IL13RA2: variants seen among roughly 807,000 people sequenced by gnomAD.
IL13RA2 encodes interleukin-13 receptor subunit alpha-2.
Under a neutral mutation model 34.1 loss-of-function variants are expected in IL13RA2, and 25 were observed. The observed-to-expected ratio is 0.73, with a 90% CI of 0.53 to 1.03. The LOEUF (loss-of-function observed/expected upper bound fraction) is 1.03, where lower values mean the gene tolerates loss of function less well. IL13RA2 is among the 50% of genes least tolerant of loss of function. IL13RA2 has a pLI of 0.00. For synonymous variants in IL13RA2, 106 were observed against 100.4 expected (o/e 1.06, Z -0.33); for missense variants, 297 against 280.9 (o/e 1.06, Z -0.41).
intron 6 of IL13RA2, 64 bp downstream of exon 6, chrX:115,010,580 A>G (rs935719157): frequency 1.6e-5 from 8 of 507,616 alleles, no homozygotes; most frequent in Non-Finnish European, 2.0e-5. Flanking sequence ...TCACCCTCTC[A>G]AGTGGTTGTA....
chrX:115,009,514 T>A lies in IL13RA2; in HGVS notation c.852+7A>T. 1 of 1,183,187 alleles carries A rather than the reference T, an allele frequency of 8.5e-7. No homozygotes were observed. The highest frequency in any genetic ancestry group is 1.1e-6 in the Non-Finnish European group (1 of 871,184). ...ATGATTTTCCCAAATAAATGCAATA[T>A]TCATACCACCAAGGTAGTATCATCT... On this transcript the variant is annotated splice_region_variant and intron_variant, in intron 7 of 9. Coordinates refer to ENST00000243213, the MANE Select transcript of IL13RA2 (RefSeq NM_000640.3).
intron 3 of IL13RA2, 150 bp downstream of exon 3, chrX:115,015,520 G>A: frequency 2.1e-6 from 1 of 470,804 alleles, no homozygotes; most frequent in Non-Finnish European, 3.7e-6. Context: ...AGATATAGCA[G>A]GATGCATAGG....
chrX:115,009,313 G>A (rs2071697002), intron 7 of IL13RA2, among the ~76,000 whole-genome samples: 1 of 110,690 alleles, frequency 9.0e-6, no homozygotes, highest in Admixed American at 9.7e-5. Context: ...CAAGTGACTA[G>A]ATAATCTCTA....
chrX:115,015,979 A>C (rs1286527361), intron 2 of IL13RA2, among the ~76,000 whole-genome samples, 158 bp from the exon 3 acceptor site: 1 of 112,504 alleles, frequency 8.9e-6, no homozygotes, highest in African/African-American at 3.2e-5. Flanking sequence ...AAAGACATGA[A>C]GTACTGATTC....
rs782673667 is a variant in IL13RA2 at position 115,014,452 on chromosome X, C to T, written c.369G>A (p.Trp123Ter). 1 of 1,193,109 alleles carries T rather than the reference C, an allele frequency of 8.4e-7. No individual in the cohort carries two copies. Among genetic ancestry groups the T allele is most frequent in the South Asian group, 1.8e-5 (1 of 54,388 alleles). ...CTNGSEVQSS[W>*]AETTYWISPQ... ...GTGATATCCAATAAGTAGTTTCTGCCCAGGAACTTTGAACTTCTGATCCAT... is the reference window on the plus strand; with the variant it reads ...GTGATATCCAATAAGTAGTTTCTGCTCAGGAACTTTGAACTTCTGATCCAT... Residue 123 changes from tryptophan to a stop codon, truncating the protein, a stop_gained, in exon 4 of 10, where the codon TGG becomes TGA. Coordinates refer to ENST00000243213, the MANE Select transcript of IL13RA2 (RefSeq NM_000640.3). LOFTEE classifies it high-confidence loss of function.
intron 9 of IL13RA2, 118 bp from the exon 10 acceptor site, chrX:115,004,224 A>G (rs1384641975): frequency 2.4e-6 from 1 of 409,905 alleles, no homozygotes; most frequent in Non-Finnish European, 4.3e-6. Flanking sequence ...AGCATTCTAT[A>G]CACATTCACT....
intron 1 of IL13RA2, 44 bp downstream of exon 1, chrX:115,017,509 A>C: frequency 3.3e-6 from 1 of 298,583 alleles, no homozygotes; most frequent in African/African-American, 2.8e-5. Flanking sequence ...TCCTGCTTAC[A>C]AGAATAAAAA....
chrX:115,013,191 C>A (rs1030308946), intron 5 of IL13RA2, among the ~76,000 whole-genome samples: 2 of 110,567 alleles, frequency 1.8e-5, no homozygotes, highest in African/African-American at 6.6e-5. Context: ...GGGAGCAGAG[C>A]GACCGTCATT....
intron 2 of IL13RA2, among the ~76,000 whole-genome samples, chrX:115,016,271 G>A (rs1192896867): frequency 8.1e-5 from 9 of 111,048 alleles, no homozygotes; most frequent in African/African-American, 2.9e-4. Context: ...CCAACGTATA[G>A]TAAAGAGTTT....
chrX:115,005,079 A>C lies in IL13RA2; in HGVS notation c.1116+118T>G, dbSNP rs1179318294. On this transcript the variant is annotated intron_variant, in intron 9 of 9. Coordinates refer to ENST00000243213, the MANE Select transcript of IL13RA2 (RefSeq NM_000640.3). ...TAACATCATAATCCATACGGAATCAATTGTACACCCACAGCGAACAAGCAA... is the reference window on the plus strand; with the variant it reads ...TAACATCATAATCCATACGGAATCACTTGTACACCCACAGCGAACAAGCAA... 8 of 482,846 alleles carry C rather than the reference A, an allele frequency of 1.7e-5. No individual in the cohort carries two copies. The East Asian group carries it at 2.8e-4, about 17-fold the overall frequency. The allele number at this position is 482,846 out of a possible 1,213,427, so 39.8% of individuals were successfully genotyped here. A position where few individuals can be genotyped will look rare whatever the true frequency, so the allele number is the denominator to read the frequency against.
chrX:115,015,923 A>T (rs1201012546), intron 2 of IL13RA2, 102 bp from the exon 3 acceptor site: 2 of 533,730 alleles, frequency 3.7e-6, no homozygotes, highest in African/African-American at 4.7e-5. Flanking sequence ...TTAACAGATA[A>T]ACAAAATGTG....
intron 3 of IL13RA2, among the ~76,000 whole-genome samples, chrX:115,015,126 G>A (rs1404737409): frequency 8.9e-6 from 1 of 111,871 alleles, no homozygotes; most frequent in Non-Finnish European, 1.9e-5. Context: ...CTACCTAGCT[G>A]AATTAGAGAG....
Position 115,014,503 on chromosome X carries a change from G to A in IL13RA2, c.318C>T (p.His106=). 1 of 1,187,377 alleles carries A rather than the reference G, an allele frequency of 8.4e-7. No homozygotes were observed. Among genetic ancestry groups the A allele is most frequent in the Non-Finnish European group, 1.1e-6 (1 of 875,199 alleles). Residue 106 remains histidine (H), a synonymous_variant, in exon 4 of 10, where the codon CAC becomes CAT. Transcript: ENST00000243213. ...DLNKGIEAKI[H]TLLPWQCTNG... ...TTGTGCATTGCCATGGTAAAAGCGTGTGTATCTTCGCTTCAATGCCCTTGT... is the reference window on the plus strand; with the variant it reads ...TTGTGCATTGCCATGGTAAAAGCGTATGTATCTTCGCTTCAATGCCCTTGT...
At chrX:115,013,332 C>T (rs1379420174) in intron 5 of IL13RA2, among the ~76,000 whole-genome samples, 3 of 110,511 alleles carry the variant, frequency 2.7e-5, no homozygotes, top group Non-Finnish European at 5.7e-5. Flanking sequence ...GATCATGTTA[C>T]CCTAAAACAA....
At chrX:115,009,431 C>T (rs1032996116) in intron 7 of IL13RA2, 90 bp downstream of exon 7, 24 of 711,337 alleles carry the variant, frequency 3.4e-5, no homozygotes, top group Non-Finnish European at 4.8e-5. Context: ...CTGTCCCTCA[C>T]GTGGATGCAA....
chrX:115,010,737 A>T lies in IL13RA2; in HGVS notation c.613T>A (p.Ser205Thr), dbSNP rs782525407. The T allele has an allele frequency of 1.9e-6, 2 of 1,033,946 alleles. No homozygotes were observed. The highest frequency in any genetic ancestry group is 2.5e-4 in the Middle Eastern group (1 of 3,973). 85.2% of individuals were successfully genotyped at this position (1,033,946 alleles called of 1,213,427 possible). Reference sequence around the variant, plus strand: ...CAAATATAGAAATCTTTATAGTCTGATGCCTCCAAATAGGGAAATCTGCAT... The same window carrying T: ...CAAATATAGAAATCTTTATAGTCTGTTGCCTCCAAATAGGGAAATCTGCAT... ...IGCRFPYLEA[S>T]DYKDFYICVN... The change falls in exon 6 of 10, where the codon TCA becomes ACA. Residue 205 changes from serine (S) to threonine (T), a missense_variant. Physicochemically the swap from Ser to Thr is moderately conservative, Grantham distance 58. Coordinates refer to ENST00000243213, the MANE Select transcript of IL13RA2 (RefSeq NM_000640.3).
chrX:115,005,026 T>G, intron 9 of IL13RA2, 171 bp downstream of exon 9: 1 of 396,403 alleles, frequency 2.5e-6, no homozygotes, highest in Non-Finnish European at 4.4e-6. Context: ...TAAGCTTAAT[T>G]TTTAAAAATT....
Position 115,014,539 on chromosome X carries a change from C to A in IL13RA2, c.282G>T (p.Gly94=). 8.4e-7 allele frequency: 1 copy of A among 1,187,998 alleles called. No homozygotes were observed. The highest frequency in any genetic ancestry group is 2.2e-5 in the Admixed American group (1 of 45,730). ...IITKNLHYKD[G]FDLNKGIEAK... ...CTTCAATGCCCTTGTTAAGATCAAA[C>A]CCATCTTTGTAATGTAGATTCTTAG... Residue 94 remains glycine (G), a synonymous_variant, in exon 4 of 10, where the codon GGG becomes GGT. Transcript: ENST00000243213.
At chrX:115,009,766 G>C in intron 6 of IL13RA2, 100 bp from the exon 7 acceptor site, 1 of 682,205 alleles carries the variant, frequency 1.5e-6, no homozygotes, top group Admixed American at 2.6e-5. Context: ...AACCTCCAGG[G>C]ATAAACCAAG....
Sources: allele counts gnomAD v4.1 joint callset (sites outside exome capture counted in the v4.1 genomes callset), GRCh38; gene constraint gnomAD v4.1.1; transcripts MANE v1.5; gene names NCBI Gene and HGNC (gene_info 2026-07-23, HGNC 2026-07-21).